Variants in KCNU1 observed in about 807,000 individuals in gnomAD.
KCNU1 encodes the protein potassium calcium-activated channel subfamily U member 1.
In KCNU1, 93 loss-of-function variants were observed where a neutral mutation model predicts 126.8. That is an observed-to-expected ratio of 0.73 (90% CI 0.62 to 0.87). The LOEUF is 0.87. Among genes scored for constraint, KCNU1 ranks in the 40% least tolerant of loss-of-function variants. The pLI is 0.00. For missense variants in KCNU1, 1,330 were observed against 1,367.1 expected, an observed-to-expected ratio of 0.97 and a Z score of 0.43; for synonymous variants, 523 against 494.2, an observed-to-expected ratio of 1.06 and a Z score of -0.77.
intron 19 of KCNU1, among the ~76,000 whole-genome samples, chr8:36,882,603 G>A (rs1306839325): frequency 6.6e-6 from 1 of 151,322 alleles, no homozygotes; most frequent in Non-Finnish European, 1.5e-5. Flanking sequence ...TTTTTTTTGA[G>A]GTGGAGTTTT....
At chr8:36,923,042 C>T (rs1049357335) in intron 24 of KCNU1, 4 of 457,974 alleles carry the variant, frequency 8.7e-6, no homozygotes, top group Non-Finnish European at 1.8e-5. Context: ...CTGGCCTTTG[C>T]TGGTGAGTTT....
At position 36,864,527 on chromosome 8, in the gene KCNU1, AG is replaced by A. The variant is rs1805838333; in HGVS notation, c.2009+7del. On this transcript the variant is annotated splice_region_variant and intron_variant, in intron 19 of 26. Transcript: ENST00000399881. ...ATATCAAACTTCACCACCAGGTAAA[AG>A]CTGCAGAGAACCCTGGTCTCCTATA... The A allele has an allele frequency of 6.5e-7, 1 of 1,533,092 alleles. No homozygotes were observed. The highest frequency in any genetic ancestry group is 1.4e-5 in the African/African-American group (1 of 73,330). 95.0% of individuals were successfully genotyped at this position (1,533,092 alleles called of 1,614,324 possible).
intron 19 of KCNU1, among the ~76,000 whole-genome samples, chr8:36,870,038 C>A (rs74957461): frequency 0.017 from 2,622 of 152,256 alleles, 86 homozygotes; most frequent in African/African-American, 0.059. Context: ...TTTGCCATGT[C>A]CAAGTCGGCC....
intron 19 of KCNU1, among the ~76,000 whole-genome samples, chr8:36,892,197 T>C (rs1270075307): frequency 3.3e-5 from 5 of 152,112 alleles, no homozygotes; most frequent in African/African-American, 9.6e-5. Flanking sequence ...CATTGACTTA[T>C]ATTCAAGCTC....
In KCNU1 at chr8:36,909,270, T is replaced by C. The variant is rs527651172; in HGVS notation, c.2107-41T>C. Reference sequence around the variant, plus strand: ...GGCCTACTTGGAGGGATTCTCATCTTGCTTATGAAAATGACCAGACTGTGG... The same window carrying C: ...GGCCTACTTGGAGGGATTCTCATCTCGCTTATGAAAATGACCAGACTGTGG... On this transcript the variant is annotated intron_variant, in intron 20 of 26. Transcript: ENST00000399881. 1.3e-4 allele frequency: 175 copies of C among 1,297,052 alleles called. 3 individuals are homozygous for C. In the South Asian group the frequency reaches 2.0e-3, roughly 15 times the overall value. 80.3% of individuals were successfully genotyped at this position (1,297,052 alleles called of 1,614,324 possible).
chr8:36,818,431 T>G (rs1319969507), intron 10 of KCNU1, among the ~76,000 whole-genome samples: 1 of 152,216 alleles, frequency 6.6e-6, no homozygotes, highest in East Asian at 1.9e-4. Context: ...CAATATATGT[T>G]GTTACTAGCC....
chr8:36,903,978 C>T (rs1418918031), intron 19 of KCNU1, among the ~76,000 whole-genome samples: 1 of 152,114 alleles, frequency 6.6e-6, no homozygotes, highest in African/African-American at 2.4e-5. Context: ...GGGTCCCTCC[C>T]ATGACACATG....
chr8:36,870,537 G>A (rs1806064624), intron 19 of KCNU1, among the ~76,000 whole-genome samples: 1 of 152,124 alleles, frequency 6.6e-6, no homozygotes, highest in African/African-American at 2.4e-5. Flanking sequence ...CTCCTACTGA[G>A]AGCCAGCCTC....
At chr8:36,866,426 G>A (rs1277219804) in intron 19 of KCNU1, among the ~76,000 whole-genome samples, 2 of 152,138 alleles carry the variant, frequency 1.3e-5, no homozygotes, top group East Asian at 1.9e-4. Context: ...ATAAAAGTCC[G>A]GGAATTACAG....
chr8:36,898,765 C>A (rs555130502), intron 19 of KCNU1, among the ~76,000 whole-genome samples: 3 of 152,084 alleles, frequency 2.0e-5, no homozygotes, highest in African/African-American at 4.8e-5. Flanking sequence ...ACTTACTATG[C>A]AAGTTGATAT....
intron 22 of KCNU1, among the ~76,000 whole-genome samples, chr8:36,914,612 G>A (rs977468933): frequency 2.6e-5 from 4 of 152,164 alleles, no homozygotes; most frequent in African/African-American, 9.7e-5. Flanking sequence ...TTTTGGGGGA[G>A]CAGCAGAGTG....
intron 2 of KCNU1, chr8:36,795,293 C>T (rs1427550492): frequency 6.6e-6 from 1 of 152,420 alleles, no homozygotes; most frequent in African/African-American, 2.4e-5. Context: ...TCTTGGATGT[C>T]TCATGCACTT....
intron 19 of KCNU1, among the ~76,000 whole-genome samples, chr8:36,873,743 C>T (rs1047217667): frequency 5.3e-5 from 8 of 152,148 alleles, no homozygotes; most frequent in South Asian, 2.1e-4. Flanking sequence ...ACATGCGCAA[C>T]GATCAGGACA....
intron 19 of KCNU1, among the ~76,000 whole-genome samples, chr8:36,881,074 C>T (rs574233567): frequency 6.6e-6 from 1 of 152,194 alleles, no homozygotes; most frequent in Non-Finnish European, 1.5e-5. Context: ...CCAAGACTTC[C>T]TACACACTGA....
At chr8:36,849,548 C>T (rs867013350) in intron 18 of KCNU1, among the ~76,000 whole-genome samples, 25 of 152,168 alleles carry the variant, frequency 1.6e-4, no homozygotes, top group African/African-American at 5.6e-4. Context: ...CAAGATCAGG[C>T]CACTGCGCTC....
intron 19 of KCNU1, among the ~76,000 whole-genome samples, chr8:36,864,960 T>A (rs1236804642): frequency 2.0e-5 from 3 of 152,102 alleles, no homozygotes; most frequent in Non-Finnish European, 4.4e-5. Context: ...TTTAGTACAC[T>A]AAAACCTCCA....
intron 19 of KCNU1, among the ~76,000 whole-genome samples, chr8:36,897,724 G>A (rs370191461): frequency 2.7e-5 from 4 of 150,910 alleles, no homozygotes; most frequent in African/African-American, 7.3e-5. Flanking sequence ...AAATTCTGAC[G>A]CTTACCTTTC....
intron 22 of KCNU1, among the ~76,000 whole-genome samples, chr8:36,915,926 AG>A (rs1808083097): frequency 6.6e-6 from 1 of 152,098 alleles, no homozygotes; most frequent in Non-Finnish European, 1.5e-5. Flanking sequence ...ATATTTAAAA[AG>A]GAAGAAAGGG....
At chr8:36,898,950 A>T (rs1322179073) in intron 19 of KCNU1, among the ~76,000 whole-genome samples, 1 of 152,030 alleles carries the variant, frequency 6.6e-6, no homozygotes, top group Non-Finnish European at 1.5e-5. Flanking sequence ...ATCTGTACTA[A>T]CATTGTAGAA....
Sources: gnomAD v4.1 joint callset for allele counts (sites outside exome capture counted in the v4.1 genomes callset) on GRCh38, gnomAD v4.1.1 for gene constraint, MANE v1.5 for transcripts, NCBI Gene and HGNC (gene_info 2026-07-23, HGNC 2026-07-21) for gene names.